Variants in NFS1 observed in about 807,000 individuals in gnomAD.
NFS1 encodes cysteine desulfurase.
A neutral mutation model predicts 57.3 loss-of-function variants in NFS1; 26 were observed. The observed-to-expected ratio is 0.45, with a 90% CI of 0.33 to 0.63. The LOEUF (loss-of-function observed/expected upper bound fraction) is 0.63, where lower values mean the gene tolerates loss of function less well. Among genes scored for constraint, NFS1 ranks in the 20% least tolerant of loss-of-function variants. NFS1 has a pLI of 0.02. For synonymous variants in NFS1, 209 were observed against 216.3 expected, an observed-to-expected ratio of 0.97 and a Z score of 0.30; for missense variants, 505 against 605.8, an observed-to-expected ratio of 0.83 and a Z score of 1.75.
chr20:35,683,501 C>T (rs1254553870), intron 5 of NFS1, among the ~76,000 whole-genome samples: 2 of 146,858 alleles, frequency 1.4e-5, no homozygotes, highest in African/African-American at 5.0e-5. Context: ...TAAAAAAAGG[C>T]CAGGCACGGT....
At chr20:35,698,924 C>G in intron 1 of NFS1, 1 of 1,307,756 alleles carries the variant, frequency 7.6e-7, no homozygotes, top group Non-Finnish European at 9.7e-7. Context: ...TGCACGGGAG[C>G]CCGGAGCAGC....
intron 4 of NFS1, among the ~76,000 whole-genome samples, chr20:35,691,875 C>G (rs1301585366): frequency 6.6e-6 from 1 of 151,280 alleles, no homozygotes; most frequent in Non-Finnish European, 1.5e-5. Flanking sequence ...ATGGTGGAAC[C>G]CCATCTCTAC....
chr20:35,696,337 C>G, intron 4 of NFS1, 40 bp downstream of exon 4: 2 of 1,378,186 alleles, frequency 1.5e-6, no homozygotes, highest in Non-Finnish European at 2.1e-6. Context: ...TCTCCTAGGT[C>G]AGGAAAGCCC....
chr20:35,698,430 C>T (rs2035178917), intron 2 of NFS1, 51 bp downstream of exon 2: 7 of 1,307,522 alleles, frequency 5.4e-6, no homozygotes, highest in African/African-American at 3.0e-5. Flanking sequence ...TGCGTGATCA[C>T]GCCCATCATT....
intron 5 of NFS1, among the ~76,000 whole-genome samples, chr20:35,684,067 T>C (rs1388822723): frequency 6.6e-6 from 1 of 151,878 alleles, no homozygotes; most frequent in Non-Finnish European, 1.5e-5. Flanking sequence ...GAGCCAACAC[T>C]GTGCCATTGC....
At chr20:35,686,721 G>C (rs890345282) in intron 5 of NFS1, among the ~76,000 whole-genome samples, 4 of 152,112 alleles carry the variant, frequency 2.6e-5, no homozygotes, top group Admixed American at 6.6e-5. Context: ...TGTTGCTAAA[G>C]GTGTGGGCAG....
intron 5 of NFS1, 85 bp from the exon 6 acceptor site, chr20:35,682,066 G>A: frequency 2.8e-6 from 2 of 720,048 alleles, no homozygotes; most frequent in Non-Finnish European, 5.0e-6. Flanking sequence ...GTCATGAAAA[G>A]GAGTCTTATA....
chr20:35,670,074 T>C (rs1257921885), intron 12 of NFS1, among the ~76,000 whole-genome samples: 1 of 152,258 alleles, frequency 6.6e-6, no homozygotes, highest in Non-Finnish European at 1.5e-5. Context: ...TTTAAGCCTC[T>C]CTTCATATGA....
At chr20:35,670,016 G>T (rs1468357128) in intron 12 of NFS1, among the ~76,000 whole-genome samples, 2 of 152,174 alleles carry the variant, frequency 1.3e-5, no homozygotes, top group African/African-American at 4.8e-5. Context: ...TATGGCCATG[G>T]TTTCCCTTGG....
chr20:35,671,365 T>C (rs2034651144), intron 12 of NFS1, among the ~76,000 whole-genome samples: 1 of 152,186 alleles, frequency 6.6e-6, no homozygotes, highest in African/African-American at 2.4e-5. Flanking sequence ...CCTCCCGAAG[T>C]GCTGGGATTA....
chr20:35,685,671 C>T (rs1433511020), intron 5 of NFS1, among the ~76,000 whole-genome samples: 3 of 148,902 alleles, frequency 2.0e-5, no homozygotes, highest in South Asian at 4.2e-4. Flanking sequence ...CCAGCCTGAC[C>T]AACATGGTGA....
chr20:35,696,485 A>G, intron 3 of NFS1, 25 bp from the exon 4 acceptor site: 2 of 1,580,690 alleles, frequency 1.3e-6, no homozygotes, highest in African/African-American at 1.3e-5. Context: ...ACAGAGATAT[A>G]TAACATCAGT....
intron 7 of NFS1, among the ~76,000 whole-genome samples, chr20:35,680,284 G>A (rs564830041): frequency 3.9e-4 from 59 of 152,044 alleles, no homozygotes; most frequent in Admixed American, 2.8e-3. Context: ...CAGCCTGGGC[G>A]ACTGAGCGAG....
At chr20:35,693,394 G>T (rs542822127) in intron 4 of NFS1, among the ~76,000 whole-genome samples, 1 of 151,810 alleles carries the variant, frequency 6.6e-6, no homozygotes, top group South Asian at 2.1e-4. Flanking sequence ...CACTGCACCC[G>T]GCCTACACTT....
In NFS1 at chr20:35,669,555, G is replaced by T; in HGVS notation, c.*67C>A. The T allele has an allele frequency of 7.1e-7, 1 of 1,414,576 alleles. No homozygotes were observed. Among genetic ancestry groups the T allele is most frequent in the Non-Finnish European group, 1.0e-6 (1 of 998,428 alleles). 87.6% of individuals were successfully genotyped at this position (1,414,576 alleles called of 1,614,324 possible). Reference sequence around the variant, plus strand: ...GAGCATCCACTAGGTGTAACAAGGTGTCTGGTTGTGCACGGGTTGGTGAGG... The same window carrying T: ...GAGCATCCACTAGGTGTAACAAGGTTTCTGGTTGTGCACGGGTTGGTGAGG... On this transcript the variant is annotated 3_prime_UTR_variant, in exon 13 of 13. Transcript: ENST00000374092.
intron 5 of NFS1, among the ~76,000 whole-genome samples, chr20:35,687,166 C>CG (rs1482423994): frequency 1.3e-5 from 2 of 152,058 alleles, no homozygotes; most frequent in Non-Finnish European, 2.9e-5. Flanking sequence ...CCCCTTTCCC[C>CG]GGGGGAGTTT....
Position 35,679,792 on chromosome 20 carries a change from A to C in NFS1, c.790+945T>G, listed in dbSNP as rs189528074. Among the ~76,000 whole-genome samples the C allele has an allele frequency of 5.0e-4, 76 of 152,246 alleles. No homozygotes were observed. The East Asian group carries it at 0.014, about 27-fold the overall frequency. On this transcript the variant is annotated intron_variant, in intron 7 of 12. Coordinates refer to ENST00000374092, the MANE Select transcript of NFS1 (RefSeq NM_021100.5). ...AGACATAAAAAGGGTACCAGCACAGACATCAACCCAAAAAAGGCCCTCACT... is the reference window on the plus strand; with the variant it reads ...AGACATAAAAAGGGTACCAGCACAGCCATCAACCCAAAAAAGGCCCTCACT...
At chr20:35,698,141 CT>C in intron 2 of NFS1, among the ~76,000 whole-genome samples, 1 of 152,348 alleles carries the variant, frequency 6.6e-6, no homozygotes, top group Admixed American at 6.5e-5. Context: ...GCAAACACCC[CT>C]GGTCACACAT....
intron 7 of NFS1, among the ~76,000 whole-genome samples, chr20:35,676,653 T>C (rs1245023821): frequency 6.7e-6 from 1 of 149,376 alleles, no homozygotes; most frequent in East Asian, 2.0e-4. Flanking sequence ...TGCTATCATC[T>C]GGATAAAAAA....
Sources: allele counts gnomAD v4.1 joint callset (sites outside exome capture counted in the v4.1 genomes callset), GRCh38; gene constraint gnomAD v4.1.1; transcripts MANE v1.5; gene names NCBI Gene and HGNC (gene_info 2026-07-23, HGNC 2026-07-21).